The following ARHGAP22 variants were observed in gnomAD, a reference collection of about 807,000 sequenced individuals.
ARHGAP22 encodes the protein rho GTPase-activating protein 22.
ARHGAP22 carries 48 observed loss-of-function variants against 59.1 expected under a neutral mutation model. The observed-to-expected ratio is 0.81, with a 90% CI of 0.64 to 1.03. The LOEUF is 1.03. ARHGAP22 is among the 50% of genes least tolerant of loss of function. The pLI is 0.00. For missense variants in ARHGAP22, 1,015 were observed against 958.7 expected, an observed-to-expected ratio of 1.06 and a Z score of -0.78; for synonymous variants, 445 against 416.4, an observed-to-expected ratio of 1.07 and a Z score of -0.84.
intron 1 of ARHGAP22, among the ~76,000 whole-genome samples, chr10:48,596,427 G>T (rs1034319087): frequency 2.6e-5 from 4 of 152,172 alleles, no homozygotes; most frequent in Admixed American, 1.3e-4. Context: ...AGACAGTCGG[G>T]CTTGGGGTGG....
At chr10:48,634,569 C>G (rs2061740064) in intron 1 of ARHGAP22, among the ~76,000 whole-genome samples, 1 of 152,126 alleles carries the variant, frequency 6.6e-6, no homozygotes, top group Non-Finnish European at 1.5e-5. Flanking sequence ...TGGGCTTCCG[C>G]TTGGCTCCCT....
intron 4 of ARHGAP22, among the ~76,000 whole-genome samples, chr10:48,472,826 A>C (rs201535682): frequency 1.4e-4 from 21 of 144,862 alleles, no homozygotes; most frequent in Non-Finnish European, 2.1e-4. Flanking sequence ...TAAAAAAAAA[A>C]CCAAAAAAAA....
intron 3 of ARHGAP22, among the ~76,000 whole-genome samples, chr10:48,543,980 C>T (rs901268718): frequency 6.6e-6 from 1 of 152,036 alleles, no homozygotes; most frequent in East Asian, 1.9e-4. Context: ...AGAAATTAGC[C>T]GGACATGGTG....
intron 3 of ARHGAP22, among the ~76,000 whole-genome samples, chr10:48,494,421 A>G (rs2050715687): frequency 6.6e-6 from 1 of 152,176 alleles, no homozygotes; most frequent in Non-Finnish European, 1.5e-5. Flanking sequence ...CTCACACCTC[A>G]GGCAGCCCTG....
intron 3 of ARHGAP22, among the ~76,000 whole-genome samples, chr10:48,527,069 G>A (rs10776611): frequency 0.47 from 71,180 of 152,082 alleles, 17,164 homozygotes; most frequent in African/African-American, 0.58. Context: ...ACCGCATGAA[G>A]CAGATGCCAT....
intron 3 of ARHGAP22, among the ~76,000 whole-genome samples, chr10:48,535,740 A>G (rs926193170): frequency 1.3e-5 from 2 of 152,248 alleles, no homozygotes; most frequent in Non-Finnish European, 2.9e-5. Flanking sequence ...CGCCAAAGCT[A>G]TCTGAATTGA....
At chr10:48,437,362 T>C in the ARHGAP22 span, 1 of 152,244 alleles carries the variant, frequency 6.6e-6, no homozygotes, top group Admixed American at 6.5e-5. Context: ...CATTTTTTTT[T>C]TGAAGAGAAG....
At chr10:48,642,653 A>G (rs1430785515) in intron 1 of ARHGAP22, among the ~76,000 whole-genome samples, 1 of 152,244 alleles carries the variant, frequency 6.6e-6, no homozygotes, top group Non-Finnish European at 1.5e-5. Context: ...AAACCTAGGC[A>G]ATACCATTCA....
chr10:48,609,976 G>T (rs1228330578), upstream of ARHGAP22, among the ~76,000 whole-genome samples: 1 of 152,210 alleles, frequency 6.6e-6, no homozygotes, highest in South Asian at 2.1e-4. Flanking sequence ...TGCTTGTACT[G>T]TAAGCCTGTC....
At chr10:48,514,055 A>G (rs1288302577) in intron 3 of ARHGAP22, among the ~76,000 whole-genome samples, 12 of 152,038 alleles carry the variant, frequency 7.9e-5, no homozygotes, top group Admixed American at 7.9e-4. Flanking sequence ...TTGAGCTTAT[A>G]GAAGAAAAAA....
At chr10:48,572,746 G>A (rs1377076181) in intron 2 of ARHGAP22, among the ~76,000 whole-genome samples, 2 of 152,154 alleles carry the variant, frequency 1.3e-5, no homozygotes, top group Non-Finnish European at 2.9e-5. Context: ...CCAACCTGCA[G>A]ATGGCCAGCC....
intron 4 of ARHGAP22, among the ~76,000 whole-genome samples, chr10:48,461,144 T>C (rs1381048948): frequency 6.6e-6 from 1 of 152,192 alleles, no homozygotes; most frequent in Non-Finnish European, 1.5e-5. Flanking sequence ...TTATGCTAAG[T>C]GTATTTTATG....
chr10:48,652,462 C>G, exon 1 of ARHGAP22: 3 of 625,564 alleles, frequency 4.8e-6, no homozygotes, highest in Non-Finnish European at 8.3e-6. Context: ...AAGCAAGAAG[C>G]CTCGCTGTGA....
chr10:48,506,796 C>T (rs1229349150), intron 3 of ARHGAP22, among the ~76,000 whole-genome samples: 1 of 152,158 alleles, frequency 6.6e-6, no homozygotes, highest in African/African-American at 2.4e-5. Context: ...GACACGAGGG[C>T]CTAGATGTTC....
intron 2 of ARHGAP22, among the ~76,000 whole-genome samples, chr10:48,558,474 C>T (rs1038368046): frequency 3.9e-5 from 6 of 152,194 alleles, no homozygotes; most frequent in African/African-American, 1.4e-4. Context: ...GTGAGCCTCC[C>T]ACCTCGACCT....
At chr10:48,565,194 G>A (rs959413736) in intron 2 of ARHGAP22, among the ~76,000 whole-genome samples, 2 of 152,114 alleles carry the variant, frequency 1.3e-5, no homozygotes, top group African/African-American at 4.8e-5. Flanking sequence ...AGTAAACTTT[G>A]GGACAAGTTT....
chr10:48,645,474 CAATT>C (rs2062252914), intron 1 of ARHGAP22, among the ~76,000 whole-genome samples: 1 of 152,068 alleles, frequency 6.6e-6, no homozygotes. Context: ...CTGAAAAAAT[CAATT>C]AATGTTGTAC....
chr10:48,608,862 A>G (rs897102154), upstream of ARHGAP22, among the ~76,000 whole-genome samples: 4 of 152,352 alleles, frequency 2.6e-5, no homozygotes, highest in Middle Eastern at 3.4e-3. Context: ...ATTTAAGACA[A>G]AGGTAACAAG....
upstream of ARHGAP22, among the ~76,000 whole-genome samples, chr10:48,655,246 T>G: frequency 1.2e-4 from 1 of 8,630 alleles, no homozygotes; most frequent in Non-Finnish European, 2.7e-4. Flanking sequence ...AGTGGATGTG[T>G]GTGTGTGTGT....
Sources: gnomAD v4.1 joint callset for allele counts (sites outside exome capture counted in the v4.1 genomes callset) on GRCh38, gnomAD v4.1.1 for gene constraint, MANE v1.5 for transcripts, NCBI Gene and HGNC (gene_info 2026-07-23, HGNC 2026-07-21) for gene names.